Variants in PCP2 observed in about 807,000 individuals in gnomAD.
PCP2 encodes Purkinje cell protein 2 homolog.
PCP2 carries 21 observed loss-of-function variants against 18.3 expected under a neutral mutation model. The ratio of observed to expected loss-of-function variants is 1.14; its 90% CI spans 0.81 to 1.65. The LOEUF (loss-of-function observed/expected upper bound fraction) is 1.65. Ranked by LOEUF, PCP2 falls within the 40% of genes most tolerant of loss-of-function variation. The pLI is 0.00. For synonymous variants in PCP2, 85 were observed against 77.6 expected (o/e 1.10, Z -0.50); for missense variants, 202 against 201.8 (o/e 1.00, Z 0.00).
At chr19:7,631,970 G>T in intron 3 of PCP2, 162 bp from the exon 4 acceptor site, 1 of 708,706 alleles carries the variant, frequency 1.4e-6, no homozygotes, top group Non-Finnish European at 2.0e-6. Context: ...TGGCATTTGA[G>T]TGTGAGGTGG....
chr19:7,635,232 C>T (rs766903533), upstream of PCP2, among the ~76,000 whole-genome samples: 2 of 152,116 alleles, frequency 1.3e-5, no homozygotes, highest in Non-Finnish European at 2.9e-5. Flanking sequence ...TTCCCCTGCT[C>T]AAAACTCTTG....
In PCP2 at chr19:7,632,636, C is replaced by T. The variant is rs1010843227; in HGVS notation, c.166+80G>A. On this transcript the variant is annotated intron_variant, in intron 2 of 3. Coordinates refer to ENST00000311069, the MANE Select transcript of PCP2 (RefSeq NM_174895.3). The surrounding 1 kb of genome is among the most constrained non-coding windows in gnomAD (Gnocchi z 5.2). ...AACCACCTCCCACATCCCGTGCCCC[C>T]AGGCCCTCCAGATGACCACTTGCCC... is the stretch of plus-strand genomic sequence containing the variant. 1 of 1,571,396 alleles carries T rather than the reference C, an allele frequency of 6.4e-7. No homozygotes were observed. Among genetic ancestry groups the T allele is most frequent in the African/African-American group, 1.3e-5 (1 of 74,304 alleles).
At chr19:7,636,076 C>G (rs533162790), upstream of PCP2, among the ~76,000 whole-genome samples, 3 of 152,184 alleles carry the variant, frequency 2.0e-5, no homozygotes, top group African/African-American at 7.2e-5. Flanking sequence ...CCCCTACCTT[C>G]TGTGGCACTT....
upstream of PCP2, chr19:7,636,813 A>C: frequency 3.5e-6 from 1 of 285,376 alleles, no homozygotes; most frequent in Admixed American, 5.3e-5. Flanking sequence ...TGTATCTTGC[A>C]GGCACAGAAC....
chr19:7,632,876 C>A lies in PCP2; in HGVS notation c.52-46G>T. 2 of 1,533,234 alleles carry A rather than the reference C, an allele frequency of 1.3e-6. No individual in the cohort carries two copies. Among genetic ancestry groups the A allele is most frequent in the Non-Finnish European group, 1.8e-6 (2 of 1,142,258 alleles). The allele number at this position is 1,533,234 out of a possible 1,614,324, so 95.0% of individuals were successfully genotyped here. On this transcript the variant is annotated intron_variant, in intron 1 of 3. Transcript: ENST00000311069. This position sits in a 1 kb window ranked among gnomAD's most constrained non-coding sequence, Gnocchi z 5.2. ...TCTGGTTGGCCCTTCAGCTTGGGGG[C>A]CCCTCCCCAAACTTCCTAGCCAGCT...
chr19:7,635,035 T>C (rs1403995699), upstream of PCP2, among the ~76,000 whole-genome samples: 5 of 152,236 alleles, frequency 3.3e-5, no homozygotes, highest in African/African-American at 1.2e-4. Context: ...TCACTGCTAA[T>C]ATCTATACTA....
At chr19:7,633,364 G>C in intron 1 of PCP2, 43 bp downstream of exon 1, 2 of 1,541,002 alleles carry the variant, frequency 1.3e-6, no homozygotes, top group Middle Eastern at 1.7e-4. Flanking sequence ...CATGGGCTCT[G>C]AGACCTTGAG....
upstream of PCP2, among the ~76,000 whole-genome samples, chr19:7,634,207 G>A (rs1042718151): frequency 9.2e-5 from 14 of 152,284 alleles, no homozygotes; most frequent in Admixed American, 7.8e-4. Flanking sequence ...AGAGGCAGGC[G>A]GGGAGAGGAC....
At position 7,632,844 on chromosome 19, in the gene PCP2, C is replaced by T. The variant is rs1447177967; in HGVS notation, c.52-14G>A. 9.1e-6 allele frequency: 14 copies of T among 1,544,014 alleles called. No individual in the cohort carries two copies. The highest frequency in any genetic ancestry group is 4.1e-5 in the African/African-American group (3 of 73,030). ...TGGGGAGCCCGCCTGGGGACAGACT[C>T]GCTCAGTCTGGTTGGCCCTTCAGCT... is the stretch of plus-strand genomic sequence containing the variant. On this transcript the variant is annotated splice_polypyrimidine_tract_variant and intron_variant, in intron 1 of 3. Transcript: ENST00000311069. The surrounding 1 kb of genome is among the most constrained non-coding windows in gnomAD (Gnocchi z 5.2).
rs1253073303 is a variant in PCP2, at chr19:7,633,000, G to T, written c.52-170C>A. On this transcript the variant is annotated intron_variant, in intron 1 of 3. Coordinates refer to ENST00000311069, the MANE Select transcript of PCP2 (RefSeq NM_174895.3). This position sits in a 1 kb window ranked among gnomAD's most constrained non-coding sequence, Gnocchi z 5.2. ...TGCAGAGCTGTTCTGAATGAGACAT[G>T]AGTCTCCTTCCCAATCCCGGCCCCC... 6.2e-5 allele frequency: 42 copies of T among 678,612 alleles called. No individual in the cohort carries two copies. Among genetic ancestry groups the T allele is most frequent in the Middle Eastern group, 3.5e-4 (1 of 2,870 alleles). The allele number at this position is 678,612 out of a possible 1,614,324, so 42.0% of individuals were successfully genotyped here. A position where few individuals can be genotyped will look rare whatever the true frequency, so the allele number is the denominator to read the frequency against.
Position 7,633,517 on chromosome 19 carries a change from C to T in PCP2, c.-60G>A. The T allele has an allele frequency of 6.6e-7, 1 of 1,525,674 alleles. No homozygotes were observed. The allele number at this position is 1,525,674 out of a possible 1,614,324, so 94.5% of individuals were successfully genotyped here. On this transcript the variant is annotated 5_prime_UTR_variant, in exon 1 of 4. Coordinates refer to ENST00000311069, the MANE Select transcript of PCP2 (RefSeq NM_174895.3). Reference sequence around the variant, plus strand: ...TGCCCCGGCCCAGTGCCAGAGAGGGCCTTTTAAACGTCCAGGACGTGGGGG... The same window carrying T: ...TGCCCCGGCCCAGTGCCAGAGAGGGTCTTTTAAACGTCCAGGACGTGGGGG...
At chr19:7,635,939 C>CG (rs1359928031), upstream of PCP2, among the ~76,000 whole-genome samples, 1 of 152,122 alleles carries the variant, frequency 6.6e-6, no homozygotes, top group Non-Finnish European at 1.5e-5. Context: ...TTCTTAAGCT[C>CG]GGGGCTCCTC....
intron 1 of PCP2, 56 bp downstream of exon 1, chr19:7,633,351 A>T (rs1209620905): frequency 6.7e-7 from 1 of 1,492,456 alleles, no homozygotes; most frequent in Admixed American, 2.0e-5. Context: ...TAGTCTTGTC[A>T]ATCATGGGCT....
chr19:7,633,601 T>C lies in PCP2; in HGVS notation c.-144A>G. 1.4e-6 allele frequency: 1 copy of C among 733,908 alleles called. No individual in the cohort carries two copies. The highest frequency in any genetic ancestry group is 2.3e-6 in the Non-Finnish European group (1 of 439,516). 45.5% of individuals were successfully genotyped at this position (733,908 alleles called of 1,614,324 possible). ...ATGCCCCATCTGCTCCCACCCAAGC[T>C]TAAGCCCCATAAAGATCATCCAGAT... On this transcript the variant is annotated 5_prime_UTR_variant, in exon 1 of 4. It removes the in-frame stop codon of an upstream open reading frame in the 5' UTR. Transcript: ENST00000311069.
rs1303866570 is a variant in PCP2 at position 7,633,479 on chromosome 19, T to G, written c.-22A>C. On this transcript the variant is annotated 5_prime_UTR_variant, in exon 1 of 4. Transcript: ENST00000311069. ...TCATGTCCCTGGACTCCAGTCACTTTTCTGCTGGCCTCTGCCCCGGCCCAG... is the reference window on the plus strand; with the variant it reads ...TCATGTCCCTGGACTCCAGTCACTTGTCTGCTGGCCTCTGCCCCGGCCCAG... The G allele has an allele frequency of 5.7e-6, 9 of 1,567,326 alleles. No homozygotes were observed. The East Asian group carries it at 2.1e-4, about 37-fold the overall frequency.
At chr19:7,636,179 T>A (rs2031524875), upstream of PCP2, 2 of 152,168 alleles carry the variant, frequency 1.3e-5, no homozygotes, top group African/African-American at 4.8e-5. Context: ...ATGTCCCATG[T>A]AAGTGGCAGG....
chr19:7,635,956 C>G (rs1476651408), upstream of PCP2, among the ~76,000 whole-genome samples: 1 of 152,190 alleles, frequency 6.6e-6, no homozygotes, highest in African/African-American at 2.4e-5. Context: ...CCTCCCTTCT[C>G]TACCTGGACA....
At chr19:7,635,449 C>T (rs537358602), upstream of PCP2, among the ~76,000 whole-genome samples, 1 of 152,188 alleles carries the variant, frequency 6.6e-6, no homozygotes, top group Non-Finnish European at 1.5e-5. Flanking sequence ...AATCCTAACA[C>T]TTTGGGAGGC....
At chr19:7,636,975 C>T (rs2031559168), upstream of PCP2, 1 of 644,012 alleles carries the variant, frequency 1.6e-6, no homozygotes. Flanking sequence ...CCTGCCCGTC[C>T]TCCCCGCCAG....
Sources: gnomAD v4.1 joint callset for allele counts (sites outside exome capture counted in the v4.1 genomes callset) on GRCh38, gnomAD v4.1.1 for gene constraint, Gnocchi (gnomAD v3.1) non-coding constraint, MANE v1.5 for transcripts, NCBI Gene and HGNC (gene_info 2026-07-23, HGNC 2026-07-21) for gene names.